Variants in NGLY1 observed in about 807,000 individuals in gnomAD.
NGLY1 encodes peptide-N(4)-(N-acetyl-beta-glucosaminyl)asparagine amidase.
A neutral mutation model predicts 84.6 loss-of-function variants in NGLY1; 68 were observed. The ratio of observed to expected loss-of-function variants is 0.80; its 90% CI spans 0.66 to 0.98. The LOEUF (loss-of-function observed/expected upper bound fraction) is 0.98, where lower values mean the gene tolerates loss of function less well. Ranked by LOEUF, NGLY1 falls within the 50% of genes least tolerant of loss-of-function variation. The pLI, the probability that NGLY1 is intolerant of heterozygous loss-of-function variation, is 0.00. For synonymous variants in NGLY1, 280 were observed against 275.2 expected (o/e 1.02, Z -0.17); for missense variants, 779 against 770.2 (o/e 1.01, Z -0.14).
intron 10 of NGLY1, among the ~76,000 whole-genome samples, chr3:25,720,686 C>T (rs924615897): frequency 5.3e-5 from 8 of 152,188 alleles, no homozygotes; most frequent in African/African-American, 1.9e-4. Flanking sequence ...GATATCCATG[C>T]TCACTTCTCT....
chr3:25,758,002 G>A (rs1707126304), intron 3 of NGLY1, among the ~76,000 whole-genome samples: 1 of 152,152 alleles, frequency 6.6e-6, no homozygotes, highest in Admixed American at 6.5e-5. Flanking sequence ...CAGATTATAT[G>A]ATTTTAACTA....
upstream of NGLY1, among the ~76,000 whole-genome samples, chr3:25,786,396 GA>G (rs200767400): frequency 0.012 from 1,733 of 148,130 alleles, 31 homozygotes; most frequent in African/African-American, 0.036. Context: ...AAATCCTGGG[GA>G]AAAAAAAAAT....
At chr3:25,730,762 G>A (rs1232376196) in intron 9 of NGLY1, among the ~76,000 whole-genome samples, 2 of 152,056 alleles carry the variant, frequency 1.3e-5, no homozygotes, top group Non-Finnish European at 2.9e-5. Flanking sequence ...AACATATTCT[G>A]TTACTAGAGA....
intron 2 of NGLY1, among the ~76,000 whole-genome samples, chr3:25,765,824 T>C (rs1575652233): frequency 6.6e-6 from 1 of 152,040 alleles, no homozygotes; most frequent in East Asian, 1.9e-4. Context: ...CCTCAAACTC[T>C]TGGGCTCAAG....
intron 8 of NGLY1, among the ~76,000 whole-genome samples, chr3:25,733,471 G>A (rs7625236): frequency 0.14 from 4,853 of 33,970 alleles, 203 homozygotes; most frequent in African/African-American, 0.32. Flanking sequence ...ATGGACGTGT[G>A]TGTGTGTGTG....
chr3:25,775,052 C>T (rs563199958), intron 2 of NGLY1, among the ~76,000 whole-genome samples: 2 of 152,210 alleles, frequency 1.3e-5, no homozygotes, highest in Non-Finnish European at 2.9e-5. Context: ...ACCCTTCTCC[C>T]GTGATCTGGA....
At chr3:25,770,780 G>A (rs1049967362) in intron 2 of NGLY1, among the ~76,000 whole-genome samples, 6 of 152,134 alleles carry the variant, frequency 3.9e-5, no homozygotes, top group Admixed American at 3.9e-4. Flanking sequence ...GTCACACTGT[G>A]GTTTTGATTT....
rs1462227827 is a variant in NGLY1 at position 25,783,379 on chromosome 3, C to G, written c.12G>C (p.Ala4=). The stretch of plus-strand genomic sequence containing the variant: ...CCGAGCCTGAGGAGCTGCCCAATGC[C>G]GCCGCCGCCATGCTTGAGCGCCAGC... The part of the protein sequence containing the change: MAA[A]ALGSSSGSAS... Residue 4 remains alanine, a synonymous_variant, in exon 1 of 12, where the codon GCG becomes GCC. Coordinates refer to ENST00000280700, the MANE Select transcript of NGLY1 (RefSeq NM_018297.4). The surrounding 1 kb of genome is among the most constrained non-coding windows in gnomAD (Gnocchi z 4.5). The G allele has an allele frequency of 1.9e-6, 3 of 1,541,302 alleles. No homozygotes were observed. Among genetic ancestry groups the G allele is most frequent in the Non-Finnish European group, 1.7e-6 (2 of 1,144,656 alleles).
At chr3:25,726,412 T>C (rs1023921850) in intron 10 of NGLY1, among the ~76,000 whole-genome samples, 2 of 152,214 alleles carry the variant, frequency 1.3e-5, no homozygotes, top group African/African-American at 4.8e-5. Flanking sequence ...TTTCTATTTG[T>C]TGAATACATG....
At chr3:25,773,007 T>C (rs1707971845) in intron 2 of NGLY1, among the ~76,000 whole-genome samples, 1 of 152,238 alleles carries the variant, frequency 6.6e-6, no homozygotes, top group Admixed American at 6.5e-5. Flanking sequence ...GCTGTTAATC[T>C]GATAGGTGTT....
upstream of NGLY1, among the ~76,000 whole-genome samples, chr3:25,787,937 A>T (rs187088481): frequency 6.4e-4 from 97 of 152,280 alleles, no homozygotes; most frequent in Admixed American, 2.2e-3. Flanking sequence ...TTACTAGACA[A>T]ACATTCATTT....
intron 4 of NGLY1, among the ~76,000 whole-genome samples, chr3:25,743,305 T>G (rs147305197): frequency 3.0e-4 from 46 of 152,308 alleles, no homozygotes; most frequent in African/African-American, 1.1e-3. Flanking sequence ...CCCAGGAAAC[T>G]TAAATACCCT....
upstream of NGLY1, among the ~76,000 whole-genome samples, chr3:25,787,971 T>C (rs1324634523): frequency 6.6e-6 from 1 of 152,230 alleles, no homozygotes; most frequent in Non-Finnish European, 1.5e-5. Flanking sequence ...CAAGGATCAT[T>C]TCTCTGAAGC....
intron 3 of NGLY1, among the ~76,000 whole-genome samples, chr3:25,751,881 T>A (rs1706769681): frequency 1.3e-5 from 2 of 152,112 alleles, no homozygotes. Context: ...AACAAAGAGG[T>A]CTGCCTCTGA....
Position 25,719,388 on chromosome 3 carries a change from G to C in NGLY1, c.*72C>G. 7.6e-7 allele frequency: 1 copy of C among 1,321,432 alleles called. No homozygotes were observed. The highest frequency in any genetic ancestry group is 1.1e-6 in the Non-Finnish European group (1 of 934,794). 81.9% of individuals were successfully genotyped at this position (1,321,432 alleles called of 1,614,324 possible). A position where few individuals can be genotyped will look rare whatever the true frequency, so the allele number is the denominator to read the frequency against. The stretch of plus-strand genomic sequence containing the variant: ...GCACAGGGTGGTAACTGCCAACTAA[G>C]CATGCACTGAACCAACAGACTACTT... On this transcript the variant is annotated 3_prime_UTR_variant, in exon 12 of 12. Transcript: ENST00000280700.
At chr3:25,731,152 G>T (rs1705518672) in intron 9 of NGLY1, among the ~76,000 whole-genome samples, 1 of 151,930 alleles carries the variant, frequency 6.6e-6, no homozygotes, top group African/African-American at 2.4e-5. Context: ...GCCAATATCA[G>T]ATATATGCAA....
At chr3:25,740,743 A>G (rs975858282) in intron 4 of NGLY1, among the ~76,000 whole-genome samples, 1 of 152,154 alleles carries the variant, frequency 6.6e-6, no homozygotes, top group Non-Finnish European at 1.5e-5. Context: ...TGGAGGGAAA[A>G]CTCAATATTT....
At chr3:25,755,049 T>C (rs1384615464) in intron 3 of NGLY1, 3 of 1,265,758 alleles carry the variant, frequency 2.4e-6, no homozygotes, top group South Asian at 1.2e-5. Context: ...ATTTTGGAAT[T>C]TGCTTTCCGA....
chr3:25,778,875 A>AT (rs34966577), intron 1 of NGLY1, among the ~76,000 whole-genome samples, 187 bp from the exon 2 acceptor site: 1,649 of 81,296 alleles, frequency 0.02, 31 homozygotes, highest in Non-Finnish European at 0.029. Context: ...GTTAAGGTAC[A>AT]TTTTTTTTTT....
Sources: allele counts gnomAD v4.1 joint callset (sites outside exome capture counted in the v4.1 genomes callset), GRCh38; gene constraint gnomAD v4.1.1; non-coding constraint Gnocchi (gnomAD v3.1); transcripts MANE v1.5; gene names NCBI Gene and HGNC (gene_info 2026-07-23, HGNC 2026-07-21).